The following AGBL4 variants were observed in gnomAD, a reference collection of about 807,000 sequenced individuals.
AGBL4 encodes the protein cytosolic carboxypeptidase 6.
Under a neutral mutation model 66.4 loss-of-function variants are expected in AGBL4, and 58 were observed. The observed-to-expected ratio is 0.87, with a 90% confidence interval of 0.71 to 1.09. The LOEUF (loss-of-function observed/expected upper bound fraction) is 1.09, where lower values mean the gene tolerates loss of function less well. Among genes scored for constraint, AGBL4 ranks in the 50% least tolerant of loss-of-function variants. The pLI, the probability that AGBL4 is intolerant of heterozygous loss-of-function variation, is 0.00. For synonymous variants in AGBL4, 234 were observed against 222.9 expected (o/e 1.05, Z -0.44); for missense variants, 579 against 631.0 (o/e 0.92, Z 0.88).
chr1:49,052,234 T>C (rs1278783788), intron 4 of AGBL4, among the ~76,000 whole-genome samples: 1 of 152,134 alleles, frequency 6.6e-6, no homozygotes, highest in Non-Finnish European at 1.5e-5. Flanking sequence ...AGACTGATTA[T>C]TCCCCCTGGT....
chr1:49,359,016 T>C (rs1644079643), intron 3 of AGBL4, among the ~76,000 whole-genome samples: 1 of 151,832 alleles, frequency 6.6e-6, no homozygotes, highest in East Asian at 1.9e-4. Flanking sequence ...TTATTACTTA[T>C]GTATTAATTT....
At chr1:49,992,378 A>G (rs1236962799) in intron 1 of AGBL4, among the ~76,000 whole-genome samples, 1 of 152,008 alleles carries the variant, frequency 6.6e-6, no homozygotes, top group Non-Finnish European at 1.5e-5. Context: ...TCTCAAAAAA[A>G]AAAAAAAAAA....
At chr1:49,735,784 A>G (rs1376017742) in intron 2 of AGBL4, among the ~76,000 whole-genome samples, 2 of 152,182 alleles carry the variant, frequency 1.3e-5, no homozygotes, top group African/African-American at 4.8e-5. Context: ...ATTTCACCAA[A>G]GCTTAAGACA....
At chr1:48,591,227 G>A (rs552199007) in intron 9 of AGBL4, among the ~76,000 whole-genome samples, 1 of 152,046 alleles carries the variant, frequency 6.6e-6, no homozygotes, top group Non-Finnish European at 1.5e-5. Context: ...TTCCCTCAGG[G>A]TCTGAAAGCA....
At chr1:49,753,242 A>G (rs1651617780) in intron 2 of AGBL4, among the ~76,000 whole-genome samples, 1 of 152,080 alleles carries the variant, frequency 6.6e-6, no homozygotes, top group Non-Finnish European at 1.5e-5. Flanking sequence ...TTCCTTCAGG[A>G]GCTCTTGCAC....
intron 3 of AGBL4, among the ~76,000 whole-genome samples, chr1:49,650,772 TG>T (rs920287765): frequency 6.6e-6 from 1 of 152,172 alleles, no homozygotes; most frequent in Non-Finnish European, 1.5e-5. Flanking sequence ...AAAGGAAATG[TG>T]AACGCAGTCC....
At chr1:48,890,073 G>T (rs1362720580) in intron 5 of AGBL4, among the ~76,000 whole-genome samples, 2 of 151,758 alleles carry the variant, frequency 1.3e-5, no homozygotes, top group African/African-American at 4.8e-5. Flanking sequence ...GACAGAGCTG[G>T]GTTGTAACAC....
intron 5 of AGBL4, among the ~76,000 whole-genome samples, chr1:48,955,500 A>G (rs1657371090): frequency 6.6e-6 from 1 of 152,074 alleles, no homozygotes; most frequent in Non-Finnish European, 1.5e-5. Context: ...TTTGTATGCC[A>G]TTTTTGTTTT....
intron 6 of AGBL4, among the ~76,000 whole-genome samples, chr1:48,757,185 C>T (rs1271436980): frequency 6.6e-6 from 1 of 152,006 alleles, no homozygotes; most frequent in Non-Finnish European, 1.5e-5. Flanking sequence ...CCCCACAAGC[C>T]CCCAAGAAGT....
At chr1:49,489,901 A>C (rs1017670110) in intron 3 of AGBL4, among the ~76,000 whole-genome samples, 2 of 151,680 alleles carry the variant, frequency 1.3e-5, no homozygotes, top group Non-Finnish European at 2.9e-5. Context: ...TTATGCCAGT[A>C]GCATGCTGTT....
At chr1:49,948,576 T>TAGAG (rs1213828658) in intron 1 of AGBL4, among the ~76,000 whole-genome samples, 24 of 124,976 alleles carry the variant, frequency 1.9e-4, no homozygotes, top group East Asian at 8.7e-4. Context: ...TATATATATA[T>TAGAG]ATATATAGAG....
At chr1:49,841,892 C>A in intron 2 of AGBL4, 2 of 628,780 alleles carry the variant, frequency 3.2e-6, no homozygotes, top group Non-Finnish European at 2.9e-6. Context: ...CAGGGCATGA[C>A]CCCTGGGCTG....
At chr1:49,037,706 G>A (rs1297254864) in intron 5 of AGBL4, among the ~76,000 whole-genome samples, 2 of 151,898 alleles carry the variant, frequency 1.3e-5, no homozygotes, top group Non-Finnish European at 2.9e-5. Flanking sequence ...CCCACTACTT[G>A]TATTATACCA....
At chr1:49,250,081 G>A (rs934487032) in intron 3 of AGBL4, among the ~76,000 whole-genome samples, 1 of 152,188 alleles carries the variant, frequency 6.6e-6, no homozygotes, top group Admixed American at 6.5e-5. Flanking sequence ...AAGGAAGTTG[G>A]AGGATTAAGA....
At chr1:49,454,659 A>C (rs1192110485) in intron 3 of AGBL4, among the ~76,000 whole-genome samples, 1 of 151,730 alleles carries the variant, frequency 6.6e-6, no homozygotes, top group Non-Finnish European at 1.5e-5. Context: ...ATTTCAATTC[A>C]TTAAGTACTT....
chr1:49,106,988 T>G (rs964781292), intron 4 of AGBL4, among the ~76,000 whole-genome samples: 3 of 152,104 alleles, frequency 2.0e-5, no homozygotes, highest in African/African-American at 7.2e-5. Context: ...AATGAAATCC[T>G]AAGATCATGA....
At chr1:49,253,680 C>T (rs1301905175) in intron 3 of AGBL4, among the ~76,000 whole-genome samples, 3 of 151,128 alleles carry the variant, frequency 2.0e-5, no homozygotes, top group Non-Finnish European at 2.9e-5. Flanking sequence ...ATGAGGCTGG[C>T]ATCATCCCTA....
At chr1:48,529,942 G>A (rs1017339776), downstream of AGBL4, among the ~76,000 whole-genome samples, 2 of 152,060 alleles carry the variant, frequency 1.3e-5, no homozygotes, top group African/African-American at 4.8e-5. Context: ...AAGAAGGCAG[G>A]GCTTCAGCAG....
At chr1:48,689,936 G>A (rs1646602381) in intron 6 of AGBL4, among the ~76,000 whole-genome samples, 1 of 152,200 alleles carries the variant, frequency 6.6e-6, no homozygotes, top group African/African-American at 2.4e-5. Flanking sequence ...CTCCTGTTGT[G>A]GAGGAGAGGT....
Sources: allele counts gnomAD v4.1 joint callset (sites outside exome capture counted in the v4.1 genomes callset), GRCh38; gene constraint gnomAD v4.1.1; transcripts MANE v1.5; gene names NCBI Gene and HGNC (gene_info 2026-07-23, HGNC 2026-07-21).